Variants in ORC4 observed in about 807,000 individuals in gnomAD.
The protein encoded by ORC4 is origin recognition complex, subunit 4 homolog.
ORC4 carries 55 observed loss-of-function variants against 63.9 expected under a neutral mutation model. The ratio of observed to expected loss-of-function variants is 0.86; its 90% CI spans 0.69 to 1.08. ORC4 has a LOEUF of 1.08. Among genes scored for constraint, ORC4 ranks in the 50% least tolerant of loss-of-function variants. ORC4 has a pLI of 0.00. For synonymous variants in ORC4, 150 were observed against 168.5 expected (o/e 0.89, Z 0.85); for missense variants, 511 against 504.4 (o/e 1.01, Z -0.13).
intron 1 of ORC4, among the ~76,000 whole-genome samples, chr2:148,013,574 G>A (rs772480010): frequency 6.6e-6 from 1 of 152,086 alleles, no homozygotes; most frequent in African/African-American, 2.4e-5. Flanking sequence ...TAAATGAGTG[G>A]AAATGAAATG....
intron 1 of ORC4, among the ~76,000 whole-genome samples, chr2:147,983,432 C>T (rs1691006033): frequency 6.6e-6 from 1 of 152,158 alleles, no homozygotes. Context: ...TTGGACAATG[C>T]CCCTGGCTAC....
At chr2:148,017,418 T>G (rs1693373070) in intron 1 of ORC4, among the ~76,000 whole-genome samples, 1 of 152,228 alleles carries the variant, frequency 6.6e-6, no homozygotes, top group Non-Finnish European at 1.5e-5. Flanking sequence ...ACGTCTGTGA[T>G]CCCATCACTT....
At chr2:147,984,949 G>C (rs915992523) in intron 1 of ORC4, among the ~76,000 whole-genome samples, 1 of 152,040 alleles carries the variant, frequency 6.6e-6, no homozygotes, top group African/African-American at 2.4e-5. Context: ...CTTATTTATT[G>C]TAATTCTCCA....
intron 7 of ORC4, among the ~76,000 whole-genome samples, chr2:147,954,988 A>T (rs935684928): frequency 6.6e-6 from 1 of 152,012 alleles, no homozygotes; most frequent in African/African-American, 2.4e-5. Flanking sequence ...AAAGCCCATA[A>T]TTGGTGATTA....
intron 1 of ORC4, among the ~76,000 whole-genome samples, chr2:147,977,716 C>T (rs1447911554): frequency 2.0e-5 from 3 of 152,154 alleles, no homozygotes; most frequent in Non-Finnish European, 4.4e-5. Flanking sequence ...CCTTGGCGGA[C>T]TGGACTTTTT....
chr2:148,021,478 C>CTGT (rs1189845096), upstream of ORC4: 3 of 576,848 alleles, frequency 5.2e-6, no homozygotes, highest in Non-Finnish European at 1.0e-5. Context: ...GCTGCTGCTG[C>CTGT]TGTTGCTGCT....
At chr2:148,018,150 G>C (rs796937683) in intron 1 of ORC4, among the ~76,000 whole-genome samples, 1 of 152,090 alleles carries the variant, frequency 6.6e-6, no homozygotes, top group African/African-American at 2.4e-5. Flanking sequence ...ATGCACAAAA[G>C]ATTTAAGAAT....
intron 1 of ORC4, among the ~76,000 whole-genome samples, chr2:148,005,407 T>TG (rs985064783): frequency 3.3e-5 from 5 of 150,748 alleles, no homozygotes; most frequent in African/African-American, 7.3e-5. Flanking sequence ...TGCTGGGGGA[T>TG]GGGGGGGCTA....
chr2:147,979,456 A>G (rs1690742698), intron 1 of ORC4, among the ~76,000 whole-genome samples: 1 of 152,194 alleles, frequency 6.6e-6, no homozygotes, highest in African/African-American at 2.4e-5. Context: ...AATAAATGGA[A>G]ATATACTCCA....
At chr2:147,973,792 G>T (rs1690365976) in intron 2 of ORC4, among the ~76,000 whole-genome samples, 1 of 152,118 alleles carries the variant, frequency 6.6e-6, no homozygotes, top group African/African-American at 2.4e-5. Context: ...AGCTATATTA[G>T]CAACTTAAGG....
At chr2:147,952,084 A>T (rs13027200) in intron 8 of ORC4, among the ~76,000 whole-genome samples, 5 of 152,080 alleles carry the variant, frequency 3.3e-5, no homozygotes, top group Non-Finnish European at 7.4e-5. Flanking sequence ...GTGAGATTTA[A>T]CCGCCTCATT....
chr2:147,985,189 T>C (rs1208445354), intron 1 of ORC4, among the ~76,000 whole-genome samples: 1 of 152,044 alleles, frequency 6.6e-6, no homozygotes, highest in African/African-American at 2.4e-5. Flanking sequence ...GTAAACTCTC[T>C]GTTTTTTTTG....
rs1687836110 is a variant in ORC4, at chr2:147,932,689, T to C, written c.*2821A>G. The C allele has an allele frequency of 6.6e-6, 1 of 152,172 alleles. No homozygotes were observed. The allele number at this position is 152,172 out of a possible 1,614,324, so 9.4% of individuals were successfully genotyped here. On this transcript the variant is annotated 3_prime_UTR_variant, in exon 14 of 14. Transcript: ENST00000392857. The stretch of plus-strand genomic sequence containing the variant: ...AGTATGTGTGTTGGTCCTGCCAGTA[T>C]TAGAAACCAGAGGCTTGTTGGCATT...
intron 1 of ORC4, among the ~76,000 whole-genome samples, chr2:147,976,490 T>C (rs1690566288): frequency 6.6e-6 from 1 of 152,188 alleles, no homozygotes; most frequent in Admixed American, 6.5e-5. Context: ...GAACCTACAA[T>C]ACCTCCAGGC....
At chr2:147,999,048 C>T (rs1170349614) in intron 1 of ORC4, among the ~76,000 whole-genome samples, 1 of 152,148 alleles carries the variant, frequency 6.6e-6, no homozygotes, top group African/African-American at 2.4e-5. Flanking sequence ...CAAAGCCATC[C>T]AGTCTCGTCA....
chr2:148,010,716 G>T (rs924941715), intron 1 of ORC4, among the ~76,000 whole-genome samples: 1 of 152,016 alleles, frequency 6.6e-6, no homozygotes, highest in Non-Finnish European at 1.5e-5. Flanking sequence ...CCCCATCACA[G>T]AAAAGGCCAG....
At chr2:147,939,313 A>C in intron 10 of ORC4, 65 bp from the exon 11 acceptor site, 1 of 954,284 alleles carries the variant, frequency 1.0e-6, no homozygotes, top group Non-Finnish European at 1.7e-6. Context: ...ATACTGTGCA[A>C]AACTTCTGAA....
chr2:147,970,629 A>G (rs200547292), intron 4 of ORC4, among the ~76,000 whole-genome samples: 4 of 147,074 alleles, frequency 2.7e-5, no homozygotes, highest in African/African-American at 7.8e-5. Flanking sequence ...AAAAAAAAAG[A>G]AAAAAAAACG....
chr2:147,982,255 G>A (rs1471334271), intron 1 of ORC4, among the ~76,000 whole-genome samples: 2 of 151,972 alleles, frequency 1.3e-5, no homozygotes, highest in South Asian at 2.1e-4. Context: ...GTTATGAGAG[G>A]GAAAAACCTT....
Sources: gnomAD v4.1 joint callset for allele counts (sites outside exome capture counted in the v4.1 genomes callset) on GRCh38, gnomAD v4.1.1 for gene constraint, MANE v1.5 for transcripts, NCBI Gene and HGNC (gene_info 2026-07-23, HGNC 2026-07-21) for gene names.